Variants in SFSWAP observed in about 807,000 individuals in gnomAD.
SFSWAP encodes splicing factor, suppressor of white-apricot homolog.
SFSWAP carries 17 observed loss-of-function variants against 100.7 expected under a neutral mutation model. The ratio of observed to expected loss-of-function variants is 0.17; its 90% CI spans 0.12 to 0.25. The LOEUF is 0.25. Ranked by LOEUF, SFSWAP falls within the 10% of genes least tolerant of loss-of-function variation. The pLI is 1.00. For synonymous variants in SFSWAP, 504 were observed against 510.1 expected (o/e 0.99, Z 0.16); for missense variants, 1,005 against 1,262.6 (o/e 0.80, Z 3.09).
At chr12:131,788,501 A>G (rs1202605876) in intron 15 of SFSWAP, among the ~76,000 whole-genome samples, 2 of 151,376 alleles carry the variant, frequency 1.3e-5, no homozygotes, top group Non-Finnish European at 2.9e-5. Context: ...AATCCAGAAT[A>G]TGGGTTTGGT....
chr12:131,768,832 AG>A (rs1008813847), intron 13 of SFSWAP, among the ~76,000 whole-genome samples: 1 of 152,200 alleles, frequency 6.6e-6, no homozygotes, highest in African/African-American at 2.4e-5. Flanking sequence ...TAGCTTTAAT[AG>A]GATTTCTTGG....
rs1296058391 is a variant in SFSWAP at position 131,734,384 on chromosome 12, G to T, written c.1081+5956G>T. ...AAGAGGACTTAAAATGAATGTGCAG[G>T]AGAAATGAGAAGAGGACTTAAGATC... is the stretch of plus-strand genomic sequence containing the variant. On this transcript the variant is annotated intron_variant, in intron 7 of 17. Coordinates refer to ENST00000261674, the MANE Select transcript of SFSWAP (RefSeq NM_004592.4). The surrounding 1 kb of genome is among the most constrained non-coding windows in gnomAD (Gnocchi z 4.9). Among the ~76,000 whole-genome samples the T allele has an allele frequency of 2.0e-5, 3 of 152,244 alleles. No individual in the cohort carries two copies. Among genetic ancestry groups the T allele is most frequent in the Non-Finnish European group, 1.5e-5 (1 of 68,038 alleles).
intron 11 of SFSWAP, among the ~76,000 whole-genome samples, chr12:131,759,732 G>A (rs537623305): frequency 2.6e-5 from 4 of 152,048 alleles, no homozygotes; most frequent in African/African-American, 9.6e-5. Flanking sequence ...AACCCGGGAG[G>A]CGGAGCTTGC....
At chr12:131,771,494 G>A (rs1277803988) in intron 13 of SFSWAP, among the ~76,000 whole-genome samples, 1 of 152,028 alleles carries the variant, frequency 6.6e-6, no homozygotes, top group Non-Finnish European at 1.5e-5. Flanking sequence ...CCTCTGAAGG[G>A]ACCGTAGCAG....
At chr12:131,755,337 A>C (rs200416657) in intron 9 of SFSWAP, 49 bp from the exon 10 acceptor site, 4 of 1,315,066 alleles carry the variant, frequency 3.0e-6, no homozygotes, top group Non-Finnish European at 4.4e-6. Context: ...TTGTTACTTC[A>C]GTGAGCTTGT....
rs878984264 is a variant in SFSWAP, at chr12:131,798,913, A to C, written c.2718-124A>C. On this transcript the variant is annotated intron_variant, in intron 16 of 17. Transcript: ENST00000261674. ...CTGGAAAAAAAAAAAAAGATACTGG[A>C]AGCAGATGCAGTGGGCACTTCTCAG... The C allele has an allele frequency of 1.5e-5, 10 of 686,980 alleles. No homozygotes were observed. In the South Asian group the frequency reaches 1.5e-4, roughly 11 times the overall value. The allele number at this position is 686,980 out of a possible 1,614,324, so 42.6% of individuals were successfully genotyped here. A position where few individuals can be genotyped will look rare whatever the true frequency, so the allele number is the denominator to read the frequency against.
At position 131,711,121 on chromosome 12, in the gene SFSWAP, G is replaced by A. The variant is rs1381259408; in HGVS notation, c.-109G>A. 1 of 867,964 alleles carries A rather than the reference G, an allele frequency of 1.2e-6. No homozygotes were observed. Among genetic ancestry groups the A allele is most frequent in the East Asian group, 2.7e-5 (1 of 36,808 alleles). The allele number at this position is 867,964 out of a possible 1,614,324, so 53.8% of individuals were successfully genotyped here. On this transcript the variant is annotated 5_prime_UTR_variant, in exon 1 of 18. Coordinates refer to ENST00000261674, the MANE Select transcript of SFSWAP (RefSeq NM_004592.4). The surrounding 1 kb of genome is among the most constrained non-coding windows in gnomAD (Gnocchi z 4.9). ...TGGCCCGCTATGGCGGCGGTGTTGAGGTTGGGTACGGGATGCGGGGTCTTT... is the reference window on the plus strand; with the variant it reads ...TGGCCCGCTATGGCGGCGGTGTTGAAGTTGGGTACGGGATGCGGGGTCTTT...
intron 14 of SFSWAP, among the ~76,000 whole-genome samples, chr12:131,782,482 C>T (rs887009882): frequency 1.1e-4 from 16 of 152,174 alleles, no homozygotes; most frequent in African/African-American, 3.6e-4. Flanking sequence ...CAAACGCAGC[C>T]TCCACTCAGA....
intron 11 of SFSWAP, among the ~76,000 whole-genome samples, 195 bp from the exon 12 acceptor site, chr12:131,764,261 C>T (rs1882920678): frequency 6.6e-6 from 1 of 152,192 alleles, no homozygotes. Context: ...GGGGCTCACC[C>T]CAGCCCCACG....
chr12:131,753,546 C>A (rs1881868476), intron 8 of SFSWAP, 183 bp downstream of exon 8: 1 of 832,624 alleles, frequency 1.2e-6, no homozygotes, highest in Non-Finnish European at 1.8e-6. Flanking sequence ...ATGGTTGTAG[C>A]ACAAACTTTT....
rs560830108 is a variant in SFSWAP, at chr12:131,778,008, T to C, written c.2143-57T>C. ...GCCCAAAGTTGAAATTTTATAGATA[T>C]ACATCTTCAATGTTCTGTTTTCCCT... is the stretch of plus-strand genomic sequence containing the variant. On this transcript the variant is annotated intron_variant, in intron 13 of 17. Coordinates refer to ENST00000261674, the MANE Select transcript of SFSWAP (RefSeq NM_004592.4). This position sits in a 1 kb window ranked among gnomAD's most constrained non-coding sequence, Gnocchi z 4.2. 32 of 1,564,834 alleles carry C rather than the reference T, an allele frequency of 2.0e-5. No individual in the cohort carries two copies. In the East Asian group the frequency reaches 2.7e-4, roughly 13 times the overall value.
At chr12:131,797,421 T>C in intron 16 of SFSWAP, 61 bp downstream of exon 16, 1 of 1,423,478 alleles carries the variant, frequency 7.0e-7, no homozygotes, top group Non-Finnish European at 9.5e-7. Context: ...AGCAGGACTC[T>C]CCCTCCTCCC....
At position 131,730,699 on chromosome 12, in the gene SFSWAP, G is replaced by A. The variant is rs947157662; in HGVS notation, c.1081+2271G>A. Among the ~76,000 whole-genome samples the A allele has an allele frequency of 7.9e-5, 12 of 152,224 alleles. No individual in the cohort carries two copies. The highest frequency in any genetic ancestry group is 2.2e-4 in the African/African-American group (9 of 41,540). On this transcript the variant is annotated intron_variant, in intron 7 of 17. Transcript: ENST00000261674. This position sits in a 1 kb window ranked among gnomAD's most constrained non-coding sequence, Gnocchi z 4.0. ...TGGCTCCCGAGACCACTGATAAGCC[G>A]TGACAGCCTCTGCAGGAACCCTAAG... is the stretch of plus-strand genomic sequence containing the variant.
intron 7 of SFSWAP, among the ~76,000 whole-genome samples, chr12:131,737,231 A>G (rs1880119203): frequency 1.3e-5 from 2 of 152,300 alleles, no homozygotes; most frequent in South Asian, 4.1e-4. Flanking sequence ...AGGGGAGGGC[A>G]GCACGAGGCA....
intron 14 of SFSWAP, chr12:131,784,612 C>T (rs927519214): frequency 1.3e-5 from 2 of 152,278 alleles, no homozygotes; most frequent in African/African-American, 4.8e-5. Context: ...AAGAAGGCCC[C>T]TGGTCACATT....
chr12:131,713,954 GTTTAT>G lies in SFSWAP; in HGVS notation c.219-112_219-108del, dbSNP rs1384126582. ...TTTTTATACTTGTTTTAATATTTTT[GTTTAT>G]TTTAATCGGTAAGTATGTGTGTGTA... On this transcript the variant is annotated intron_variant, in intron 1 of 17. Coordinates refer to ENST00000261674, the MANE Select transcript of SFSWAP (RefSeq NM_004592.4). The G allele has an allele frequency of 8.5e-6, 5 of 586,666 alleles. No individual in the cohort carries two copies. In the East Asian group the frequency reaches 1.6e-4, roughly 19 times the overall value. 36.3% of individuals were successfully genotyped at this position (586,666 alleles called of 1,614,324 possible).
At chr12:131,723,794 A>G (rs994782175) in intron 4 of SFSWAP, among the ~76,000 whole-genome samples, 3 of 152,168 alleles carry the variant, frequency 2.0e-5, no homozygotes, top group Non-Finnish European at 4.4e-5. Flanking sequence ...ATTCACATTA[A>G]TGGAATTTCC....
At chr12:131,753,039 G>GCCCC in intron 7 of SFSWAP, 84 bp from the exon 8 acceptor site, 1 of 1,567,396 alleles carries the variant, frequency 6.4e-7, no homozygotes, top group Non-Finnish European at 8.7e-7. Context: ...TCTTGCCGGG[G>GCCCC]GAAGGGCTCT....
chr12:131,738,054 G>A (rs1465056664), intron 7 of SFSWAP, among the ~76,000 whole-genome samples: 1 of 151,546 alleles, frequency 6.6e-6, no homozygotes, highest in Non-Finnish European at 1.5e-5. Context: ...TAGCCTGTGG[G>A]TTTTTTTTAA....
Sources: allele counts gnomAD v4.1 joint callset (sites outside exome capture counted in the v4.1 genomes callset), GRCh38; gene constraint gnomAD v4.1.1; non-coding constraint Gnocchi (gnomAD v3.1); transcripts MANE v1.5; gene names NCBI Gene and HGNC (gene_info 2026-07-23, HGNC 2026-07-21).